Variants in DNAJC10 observed in about 807,000 individuals in gnomAD.
The protein encoded by DNAJC10 is endoplasmic reticulum disulfide reductase DNAJC10.
A neutral mutation model predicts 115.0 loss-of-function variants in DNAJC10; 101 were observed. The observed-to-expected ratio is 0.88, with a 90% CI of 0.75 to 1.04. DNAJC10 has a LOEUF of 1.04. Among genes scored for constraint, DNAJC10 ranks in the 50% least tolerant of loss-of-function variants. The probability of loss-of-function intolerance (pLI) is 0.00; values close to 1 mark genes in which losing one functional copy is unlikely to be tolerated. For missense variants in DNAJC10, 981 were observed against 928.8 expected (o/e 1.06, Z -0.73); for synonymous variants, 307 against 301.5 (o/e 1.02, Z -0.19).
chr2:182,788,886 T>G lies in DNAJC10; in HGVS notation c.*11754T>G. On this transcript the variant is annotated 3_prime_UTR_variant, in exon 24 of 24. Transcript: ENST00000264065. ...TCATTTTGTGTCTTCTTTAAAACTC[T>G]TGATTCCTTTTAGAGTTTTTTAAAT... 2 of 438,160 alleles carry G rather than the reference T, an allele frequency of 4.6e-6. No homozygotes were observed. The highest frequency in any genetic ancestry group is 3.3e-5 in the South Asian group (2 of 59,838). The allele number at this position is 438,160 out of a possible 1,614,324, so 27.1% of individuals were successfully genotyped here.
At position 182,792,246 on chromosome 2, in the gene DNAJC10, T is replaced by C. The variant is rs1695064794; in HGVS notation, c.*15114T>C. ...ATGCTATAATCTTGCACAAGTTTCA[T>C]TAGAATTAAATGCACTATCTGAAGT... is the stretch of plus-strand genomic sequence containing the variant. On this transcript the variant is annotated 3_prime_UTR_variant, in exon 24 of 24. Coordinates refer to ENST00000264065, the MANE Select transcript of DNAJC10 (RefSeq NM_018981.4). 1 of 152,232 alleles carries C rather than the reference T, an allele frequency of 6.6e-6. No homozygotes were observed. Among genetic ancestry groups the C allele is most frequent in the East Asian group, 1.9e-4 (1 of 5,204 alleles). The allele number at this position is 152,232 out of a possible 1,614,324, so 9.4% of individuals were successfully genotyped here.
At chr2:182,729,989 C>T in intron 8 of DNAJC10, 48 bp downstream of exon 8, 1 of 1,326,706 alleles carries the variant, frequency 7.5e-7, no homozygotes. Flanking sequence ...ATTTTGAAAT[C>T]AGTATTTTGT....
Position 182,743,586 on chromosome 2 carries a change from T to G in DNAJC10, c.1192-12T>G. On this transcript the variant is annotated splice_polypyrimidine_tract_variant and intron_variant, in intron 13 of 23. Coordinates refer to ENST00000264065, the MANE Select transcript of DNAJC10 (RefSeq NM_018981.4). ...CAGTGTTTTTATCAAATTTGACCTTTTTCTCCTTTAGGTTGGCAGGTTTGA... is the reference window on the plus strand; with the variant it reads ...CAGTGTTTTTATCAAATTTGACCTTGTTCTCCTTTAGGTTGGCAGGTTTGA... 6.3e-7 allele frequency: 1 copy of G among 1,590,686 alleles called. No homozygotes were observed. The highest frequency in any genetic ancestry group is 1.3e-5 in the African/African-American group (1 of 74,388).
chr2:182,766,800 G>T (rs986104970), intron 22 of DNAJC10, among the ~76,000 whole-genome samples: 1 of 152,038 alleles, frequency 6.6e-6, no homozygotes, highest in Non-Finnish European at 1.5e-5. Flanking sequence ...TTCGCTGACC[G>T]GGGGTATAAT....
In DNAJC10 at chr2:182,757,735, A is replaced by G; in HGVS notation, c.1853A>G (p.Gln618Arg). The G allele has an allele frequency of 6.2e-7, 1 of 1,603,738 alleles. No individual in the cohort carries two copies. Among genetic ancestry groups the G allele is most frequent in the Non-Finnish European group, 8.5e-7 (1 of 1,175,394 alleles). ...AACGTGGGCAGTATAGATTGCCAAC[A>G]GTATCATTCTTTTTGTGCCCAGGAA... ...LINVGSIDCQ[Q>R]YHSFCAQENV... is the part of the protein sequence containing the mutation. Residue 618 changes from glutamine to arginine, a missense_variant, in exon 19 of 24, where the codon CAG (glutamine) becomes CGG (arginine). Transcript: ENST00000264065.
intron 22 of DNAJC10, among the ~76,000 whole-genome samples, chr2:182,768,297 A>G (rs752711282): frequency 6.6e-6 from 1 of 152,156 alleles, no homozygotes; most frequent in Non-Finnish European, 1.5e-5. Flanking sequence ...TAGCTGAGAG[A>G]TGGGTGACAT....
intron 22 of DNAJC10, among the ~76,000 whole-genome samples, chr2:182,767,477 T>C (rs1317889525): frequency 2.0e-5 from 3 of 152,120 alleles, no homozygotes; most frequent in Non-Finnish European, 4.4e-5. Context: ...CCCTGGTATT[T>C]TATGCATGGG....
rs184034968 is a variant in DNAJC10 at position 182,776,519 on chromosome 2, G to A, written c.2371-602G>A. On this transcript the variant is annotated intron_variant, in intron 23 of 23. Transcript: ENST00000264065. ...ATCTCGGATTCTTTCCCTATGAGGC[G>A]AAAGGAGGACAAAATAGCTCAGCCT... 1.8e-4 allele frequency among the ~76,000 whole-genome samples: 28 copies of A among 152,250 alleles called. 1 individual carries two copies. In the South Asian group the frequency reaches 4.4e-3, roughly 24 times the overall value.
At chr2:182,756,239 A>C (rs1694151712) in intron 17 of DNAJC10, 75 bp from the exon 18 acceptor site, 1 of 1,257,606 alleles carries the variant, frequency 8.0e-7, no homozygotes, top group African/African-American at 1.5e-5. Flanking sequence ...CTCAACCTGT[A>C]CCAACAATTT....
intron 11 of DNAJC10, among the ~76,000 whole-genome samples, chr2:182,737,498 A>G (rs944365625): frequency 3.3e-5 from 5 of 152,162 alleles, no homozygotes; most frequent in African/African-American, 1.2e-4. Context: ...TGAAATATAT[A>G]TGCAATTACG....
At chr2:182,769,789 A>G (rs922035852) in intron 22 of DNAJC10, among the ~76,000 whole-genome samples, 2 of 152,024 alleles carry the variant, frequency 1.3e-5, no homozygotes, top group Admixed American at 1.3e-4. Context: ...CTCTGATGAT[A>G]GTTTCTTTTG....
intron 10 of DNAJC10, among the ~76,000 whole-genome samples, chr2:182,733,532 G>T (rs926671681): frequency 4.0e-5 from 6 of 151,420 alleles, no homozygotes; most frequent in Non-Finnish European, 8.9e-5. Context: ...TTAATATTTG[G>T]TGATCAGAGT....
At chr2:182,744,859 A>G (rs935311307) in intron 14 of DNAJC10, among the ~76,000 whole-genome samples, 1 of 152,214 alleles carries the variant, frequency 6.6e-6, no homozygotes, top group Non-Finnish European at 1.5e-5. Context: ...AGTGCTAGAA[A>G]TGACTAAGTT....
At position 182,777,300 on chromosome 2, in the gene DNAJC10, A is replaced by G. The variant is rs1574963582; in HGVS notation, c.*168A>G. On this transcript the variant is annotated 3_prime_UTR_variant, in exon 24 of 24. Transcript: ENST00000264065. ...ACTGGTGTAAAAGAAGGGTCTGCAA[A>G]CTTTTTCTGTAAAGGGCCGGTTTAT... 4.8e-6 allele frequency: 2 copies of G among 413,388 alleles called. No individual in the cohort carries two copies. The highest frequency in any genetic ancestry group is 7.4e-5 in the East Asian group (2 of 27,040). The allele number at this position is 413,388 out of a possible 1,614,324, so 25.6% of individuals were successfully genotyped here.
Position 182,765,229 on chromosome 2 carries a change from G to A in DNAJC10, c.2265+2428G>A, listed in dbSNP as rs1574953373. On this transcript the variant is annotated intron_variant, in intron 22 of 23. Transcript: ENST00000264065. ...AACACACTTATCATGTGCTATTATGGGGAAAAAAAGGGGGATTACTAGACA... is the reference window on the plus strand; with the variant it reads ...AACACACTTATCATGTGCTATTATGAGGAAAAAAAGGGGGATTACTAGACA... Among the ~76,000 whole-genome samples, 3 of 151,564 alleles carry A rather than the reference G, an allele frequency of 2.0e-5. No homozygotes were observed. In the East Asian group the frequency reaches 5.8e-4, roughly 29 times the overall value.
At chr2:182,766,524 C>T (rs780957032) in intron 22 of DNAJC10, among the ~76,000 whole-genome samples, 2 of 152,110 alleles carry the variant, frequency 1.3e-5, no homozygotes, top group African/African-American at 4.8e-5. Context: ...TGCATGCTGC[C>T]TTCTAGGTTT....
At chr2:182,721,329 C>G (rs1693145455) in intron 4 of DNAJC10, among the ~76,000 whole-genome samples, 1 of 151,944 alleles carries the variant, frequency 6.6e-6, no homozygotes, top group Non-Finnish European at 1.5e-5. Context: ...ATCTGGCTTG[C>G]CATTTGCTTT....
intron 14 of DNAJC10, among the ~76,000 whole-genome samples, chr2:182,747,659 A>G (rs1296653454): frequency 6.6e-6 from 1 of 151,862 alleles, no homozygotes; most frequent in Non-Finnish European, 1.5e-5. Flanking sequence ...TAGATATACA[A>G]TCATGTCGTC....
chr2:182,729,866 G>A lies in DNAJC10; in HGVS notation c.652G>A (p.Gly218Arg). ...CCAATAGGCCCCAGTGAAATATCAT[G>A]GAGACAGATCAAAGGAGAGTTTAGT... ...RSGMAPVKYH[G>R]DRSKESLVSF... is the part of the protein sequence containing the mutation. The change falls in exon 8 of 24, where the codon GGA becomes AGA. Residue 218 changes from glycine to arginine, a missense_variant. By Grantham distance (125) the Gly-to-Arg change is moderately radical. Coordinates refer to ENST00000264065, the MANE Select transcript of DNAJC10 (RefSeq NM_018981.4). 6.2e-7 allele frequency: 1 copy of A among 1,607,584 alleles called. No individual in the cohort carries two copies. Among genetic ancestry groups the A allele is most frequent in the Non-Finnish European group, 8.5e-7 (1 of 1,177,186 alleles).
Sources: allele counts gnomAD v4.1 joint callset (sites outside exome capture counted in the v4.1 genomes callset), GRCh38; gene constraint gnomAD v4.1.1; transcripts MANE v1.5; gene names NCBI Gene and HGNC (gene_info 2026-07-23, HGNC 2026-07-21).